Variants in BMPER observed in about 807,000 individuals in gnomAD.
BMPER encodes the protein BMP binding endothelial regulator.
A neutral mutation model predicts 87.3 loss-of-function variants in BMPER; 45 were observed. The ratio of observed to expected loss-of-function variants is 0.52; its 90% CI spans 0.41 to 0.66. The LOEUF (loss-of-function observed/expected upper bound fraction) is 0.66. Ranked by LOEUF, BMPER falls within the 30% of genes least tolerant of loss-of-function variation. BMPER has a pLI of 0.00. For missense variants in BMPER, 784 were observed against 867.5 expected, an observed-to-expected ratio of 0.90 and a Z score of 1.21; for synonymous variants, 326 against 316.2, an observed-to-expected ratio of 1.03 and a Z score of -0.33.
At position 34,119,247 on chromosome 7, in the gene BMPER, C is replaced by T. The variant is rs112229067; in HGVS notation, c.1746-23983C>T. 1.8e-3 allele frequency among the ~76,000 whole-genome samples: 269 copies of T among 152,252 alleles called. 2 individuals carry two copies. The highest frequency in any genetic ancestry group is 5.9e-3 in the African/African-American group (245 of 41,558). On this transcript the variant is annotated intron_variant, in intron 13 of 14. Transcript: ENST00000649409. ...AAGATTGCATGTGCCAGGGTACCCACGTAGTACCCACAGCAGAGGAGGGCA... is the reference window on the plus strand; with the variant it reads ...AAGATTGCATGTGCCAGGGTACCCATGTAGTACCCACAGCAGAGGAGGGCA...
rs955612323 is a variant in BMPER at position 33,992,789 on chromosome 7, A to C, written c.576+18005A>C. ...CCTTTCCATGTTTAGCACTTCCTTCAGGAGCTCTTTTAGGGCAGGCCTGGT... is the reference window on the plus strand; with the variant it reads ...CCTTTCCATGTTTAGCACTTCCTTCCGGAGCTCTTTTAGGGCAGGCCTGGT... On this transcript the variant is annotated intron_variant, in intron 6 of 14. Transcript: ENST00000649409. 8.9e-4 allele frequency among the ~76,000 whole-genome samples: 125 copies of C among 141,116 alleles called. 1 individual carries two copies. In the East Asian group the frequency reaches 0.024, roughly 27 times the overall value. 92.6% of individuals were successfully genotyped at this position (141,116 alleles called of 152,430 possible).
chr7:33,979,164 C>T (rs61339237), intron 6 of BMPER, among the ~76,000 whole-genome samples: 3,046 of 151,960 alleles, frequency 0.02, 90 homozygotes, highest in African/African-American at 0.069. Context: ...TATGTGCATA[C>T]GCATATGCAT....
At chr7:34,079,772 G>C (rs543067793) in intron 12 of BMPER, among the ~76,000 whole-genome samples, 5 of 152,280 alleles carry the variant, frequency 3.3e-5, no homozygotes, top group East Asian at 3.9e-4. Context: ...CCACGTGGCT[G>C]TTCTATGCCA....
intron 6 of BMPER, among the ~76,000 whole-genome samples, chr7:34,036,725 A>T (rs1476379412): frequency 6.6e-6 from 1 of 152,162 alleles, no homozygotes; most frequent in Admixed American, 6.5e-5. Context: ...TCATTCTAAA[A>T]TAGACAAAGA....
intron 13 of BMPER, among the ~76,000 whole-genome samples, chr7:34,106,121 C>T (rs1376802980): frequency 1.3e-5 from 2 of 152,158 alleles, no homozygotes; most frequent in Non-Finnish European, 2.9e-5. Context: ...ACACTCCAGA[C>T]ATTTCCAGGG....
At chr7:33,923,085 G>C (rs539024140) in intron 2 of BMPER, among the ~76,000 whole-genome samples, 1 of 152,188 alleles carries the variant, frequency 6.6e-6, no homozygotes, top group African/African-American at 2.4e-5. Flanking sequence ...TGTATGTGTA[G>C]ACTCTTCCCT....
intron 6 of BMPER, among the ~76,000 whole-genome samples, chr7:34,031,644 C>T (rs2127951219): frequency 6.6e-6 from 1 of 151,676 alleles, no homozygotes; most frequent in South Asian, 2.1e-4. Context: ...CTGGCTAAAC[C>T]CAAGGACAGT....
At chr7:34,000,057 C>G (rs1424571912) in intron 6 of BMPER, among the ~76,000 whole-genome samples, 1 of 152,126 alleles carries the variant, frequency 6.6e-6, no homozygotes, top group African/African-American at 2.4e-5. Context: ...TAAAAAATGG[C>G]CCATCTGTAA....
chr7:34,025,834 C>T (rs1424523915), intron 6 of BMPER, among the ~76,000 whole-genome samples: 20 of 151,910 alleles, frequency 1.3e-4, no homozygotes, highest in Admixed American at 1.3e-3. Flanking sequence ...GATATAGAGC[C>T]CCAGGATATT....
At chr7:34,027,355 C>T (rs1787384779) in intron 6 of BMPER, among the ~76,000 whole-genome samples, 1 of 152,064 alleles carries the variant, frequency 6.6e-6, no homozygotes, top group Admixed American at 6.6e-5. Flanking sequence ...TACTAGTTGT[C>T]ATTTGTTATT....
chr7:34,050,862 T>C (rs1309459186), intron 7 of BMPER, among the ~76,000 whole-genome samples: 2 of 152,218 alleles, frequency 1.3e-5, no homozygotes, highest in African/African-American at 2.4e-5. Context: ...ACAGAGATAC[T>C]ATGCCTATGA....
intron 11 of BMPER, among the ~76,000 whole-genome samples, chr7:34,073,050 T>A (rs928883151): frequency 2.0e-5 from 3 of 152,238 alleles, no homozygotes; most frequent in Non-Finnish European, 4.4e-5. Context: ...GCTGTATGTG[T>A]CATTACACTG....
At chr7:34,013,418 C>A (rs1339792412) in intron 6 of BMPER, among the ~76,000 whole-genome samples, 2 of 151,772 alleles carry the variant, frequency 1.3e-5, no homozygotes, top group East Asian at 3.9e-4. Context: ...CCAGCGAAGG[C>A]GTCCTAACCA....
intron 13 of BMPER, among the ~76,000 whole-genome samples, chr7:34,133,083 A>G (rs1054308654): frequency 6.6e-6 from 1 of 152,150 alleles, no homozygotes; most frequent in African/African-American, 2.4e-5. Flanking sequence ...CAGAGCTTCT[A>G]AATCCTTTGT....
chr7:34,112,119 T>C (rs6958186), intron 13 of BMPER, among the ~76,000 whole-genome samples: 114,641 of 152,066 alleles, frequency 0.75, 44,005 homozygotes, highest in East Asian at 0.95. Flanking sequence ...AAATTCTTCC[T>C]TTTAGCAAGT....
intron 13 of BMPER, among the ~76,000 whole-genome samples, chr7:34,089,548 A>G (rs1196873837): frequency 6.6e-6 from 1 of 152,102 alleles, no homozygotes; most frequent in African/African-American, 2.4e-5. Flanking sequence ...CAGTGGCGCA[A>G]TCTCGGCTCA....
chr7:34,117,769 C>T (rs1367217621), intron 13 of BMPER, among the ~76,000 whole-genome samples: 1 of 152,172 alleles, frequency 6.6e-6, no homozygotes, highest in Non-Finnish European at 1.5e-5. Context: ...AGAAGAGGTT[C>T]TGCCAATTTG....
At chr7:33,965,113 G>A (rs908760035) in intron 3 of BMPER, among the ~76,000 whole-genome samples, 6 of 152,178 alleles carry the variant, frequency 3.9e-5, no homozygotes, top group Non-Finnish European at 8.8e-5. Flanking sequence ...ATAAGTATTT[G>A]TAGTGTGCTA....
chr7:34,032,242 T>C (rs189442245), intron 6 of BMPER, among the ~76,000 whole-genome samples: 4 of 152,048 alleles, frequency 2.6e-5, no homozygotes, highest in Admixed American at 2.6e-4. Context: ...CTTAACCCCA[T>C]GAGTTTGTTC....
Sources: gnomAD v4.1 joint callset for allele counts (sites outside exome capture counted in the v4.1 genomes callset) on GRCh38, gnomAD v4.1.1 for gene constraint, MANE v1.5 for transcripts, NCBI Gene and HGNC (gene_info 2026-07-23, HGNC 2026-07-21) for gene names.